The following GRIA3 variants were observed in gnomAD, a reference collection of about 807,000 sequenced individuals.
The protein encoded by GRIA3 is glutamate receptor 3.
A neutral mutation model predicts 63.0 loss-of-function variants in GRIA3; 3 were observed. The ratio of observed to expected loss-of-function variants is 0.05; its 90% confidence interval spans 0.02 to 0.12. The LOEUF (loss-of-function observed/expected upper bound fraction) is 0.12. Among genes scored for constraint, GRIA3 ranks in the 10% least tolerant of loss-of-function variants. GRIA3 has a pLI of 1.00. For synonymous variants in GRIA3, 274 were observed against 257.9 expected, an observed-to-expected ratio of 1.06 and a Z score of -0.60; for missense variants, 347 against 700.9, an observed-to-expected ratio of 0.50 and a Z score of 5.70.
At position 123,352,484 on chromosome X, in the gene GRIA3, A is replaced by C. The variant is rs936581597; in HGVS notation, c.697-2426A>C. On this transcript the variant is annotated intron_variant, in intron 4 of 15. Coordinates refer to ENST00000620443, the MANE Select transcript of GRIA3 (RefSeq NM_007325.5). ...AATGAAGGCTCAGTAATTTGCCCAC[A>C]AACAAACAATTAGTAAATGACAAGA... Among the ~76,000 whole-genome samples, 9 of 112,233 alleles carry C rather than the reference A, an allele frequency of 8.0e-5. No homozygotes were observed. In the Admixed American group the frequency reaches 8.5e-4, roughly 11 times the overall value.
At chrX:123,329,565 A>G (rs1160185362) in intron 4 of GRIA3, among the ~76,000 whole-genome samples, 2 of 112,065 alleles carry the variant, frequency 1.8e-5, no homozygotes, top group African/African-American at 6.5e-5. Context: ...TTAATAGTTA[A>G]TCTACCAGAG....
At chrX:123,282,447 G>T (rs1272447983) in intron 3 of GRIA3, among the ~76,000 whole-genome samples, 1 of 112,071 alleles carries the variant, frequency 8.9e-6, no homozygotes, top group Non-Finnish European at 1.9e-5. Flanking sequence ...GGAAACATTT[G>T]CTTCCTTCAC....
intron 4 of GRIA3, among the ~76,000 whole-genome samples, chrX:123,354,497 T>G (rs2045119811): frequency 9.1e-6 from 1 of 110,155 alleles, no homozygotes; most frequent in Non-Finnish European, 1.9e-5. Context: ...TCTATTCCCT[T>G]AGCATTCCAG....
chrX:123,330,649 A>G (rs2044935456), intron 4 of GRIA3, among the ~76,000 whole-genome samples: 1 of 111,862 alleles, frequency 8.9e-6, no homozygotes. Flanking sequence ...CACCTTCTCA[A>G]GTATAAAGAG....
At chrX:123,475,666 G>A (rs1258619244) in intron 13 of GRIA3, among the ~76,000 whole-genome samples, 1 of 112,107 alleles carries the variant, frequency 8.9e-6, no homozygotes, top group Non-Finnish European at 1.9e-5. Flanking sequence ...TTAGGTACCA[G>A]TTAAGGGCCT....
intron 5 of GRIA3, among the ~76,000 whole-genome samples, chrX:123,381,510 A>G (rs2045324178): frequency 8.9e-6 from 1 of 112,101 alleles, no homozygotes; most frequent in Non-Finnish European, 1.9e-5. Flanking sequence ...ATTATTATGG[A>G]AAGGAGTAAT....
At chrX:123,325,675 C>T (rs1338683147) in intron 3 of GRIA3, among the ~76,000 whole-genome samples, 1 of 111,836 alleles carries the variant, frequency 8.9e-6, no homozygotes, top group Non-Finnish European at 1.9e-5. Flanking sequence ...AATAAATGAG[C>T]TTCAACTGCA....
rs952140491 is a variant in GRIA3 at position 123,276,314 on chromosome X, A to G, written c.508+22772A>G. ...ACAACCTACTCCCTCCCTTGGGATTACTTTTTCCATCCTTTCCATAAACTC... is the reference window on the plus strand; with the variant it reads ...ACAACCTACTCCCTCCCTTGGGATTGCTTTTTCCATCCTTTCCATAAACTC... On this transcript the variant is annotated intron_variant, in intron 3 of 15. Coordinates refer to ENST00000620443, the MANE Select transcript of GRIA3 (RefSeq NM_007325.5). Among the ~76,000 whole-genome samples the G allele has an allele frequency of 3.6e-5, 4 of 111,863 alleles. No homozygotes were observed. In the South Asian group the frequency reaches 1.5e-3, roughly 42 times the overall value.
At chrX:123,303,931 G>GA (rs760971977) in intron 3 of GRIA3, among the ~76,000 whole-genome samples, 1 of 109,953 alleles carries the variant, frequency 9.1e-6, no homozygotes, top group Non-Finnish European at 1.9e-5. Context: ...GAGATTTTAG[G>GA]AAAAAAAAAA....
chrX:123,279,147 A>G (rs2044571348), intron 3 of GRIA3, among the ~76,000 whole-genome samples: 1 of 111,565 alleles, frequency 9.0e-6, no homozygotes, highest in Admixed American at 9.6e-5. Context: ...TCAGTCATAC[A>G]TGGAATCTAA....
chrX:123,462,301 C>T (rs981889018), intron 12 of GRIA3, among the ~76,000 whole-genome samples: 3 of 111,878 alleles, frequency 2.7e-5, no homozygotes, highest in African/African-American at 9.8e-5. Context: ...TCTCCTATAA[C>T]AGGTAGAATA....
intron 12 of GRIA3, among the ~76,000 whole-genome samples, chrX:123,457,421 A>C (rs376517851): frequency 8.9e-6 from 1 of 111,978 alleles, no homozygotes; most frequent in African/African-American, 3.2e-5. Flanking sequence ...CCCCTTTGAC[A>C]TGTATGTACA....
At chrX:123,288,745 C>T (rs1357586908) in intron 3 of GRIA3, among the ~76,000 whole-genome samples, 1 of 111,409 alleles carries the variant, frequency 9.0e-6, no homozygotes, top group Non-Finnish European at 1.9e-5. Flanking sequence ...GTTAAAATGG[C>T]GATCATTAAA....
rs183370537 is a variant in GRIA3, at chrX:123,230,978, T to A, written c.269-22325T>A. On this transcript the variant is annotated intron_variant, in intron 2 of 15. Coordinates refer to ENST00000620443, the MANE Select transcript of GRIA3 (RefSeq NM_007325.5). ...AAGATATCCATGTGAAAAAGCCTAC[T>A]CTTAAAGGTAAAAGCTAAACAAAGA... Among the ~76,000 whole-genome samples, 6 of 112,361 alleles carry A rather than the reference T, an allele frequency of 5.3e-5. No individual in the cohort carries two copies. The East Asian group carries it at 1.7e-3, about 32-fold the overall frequency.
rs58125026 is a variant in GRIA3 at position 123,368,780 on chromosome X, C to CAAA, written c.750+13832_750+13834dup. Among the ~76,000 whole-genome samples the CAAA allele has an allele frequency of 3.8e-3, 326 of 86,068 alleles. 2 individuals carry two copies. The highest frequency in any genetic ancestry group is 0.014 in the African/African-American group (318 of 23,527). The allele number at this position is 86,068 out of a possible 115,157, so 74.7% of individuals were successfully genotyped here. On this transcript the variant is annotated intron_variant, in intron 5 of 15. Coordinates refer to ENST00000620443, the MANE Select transcript of GRIA3 (RefSeq NM_007325.5). Reference sequence around the variant, plus strand: ...GCAAGTCCCACTGTAGATCATAATACAAAAAAAAAAAAAAAAATTGGCCAA... The same window carrying CAAA: ...GCAAGTCCCACTGTAGATCATAATACAAAAAAAAAAAAAAAAAAAATTGGCCAA...
At chrX:123,367,427 T>TTTTTTGC (rs1333047607) in intron 5 of GRIA3, among the ~76,000 whole-genome samples, 1 of 105,907 alleles carries the variant, frequency 9.4e-6, no homozygotes, top group Admixed American at 1.0e-4. Context: ...CTTTTTTTTG[T>TTTTTTGC]TTTTTGTTTT....
rs7056649 is a variant in GRIA3 at position 123,275,809 on chromosome X, C to T, written c.508+22267C>T. Among the ~76,000 whole-genome samples, 342 of 112,021 alleles carry T rather than the reference C, an allele frequency of 3.1e-3. 2 individuals are homozygous for T. The highest frequency in any genetic ancestry group is 0.011 in the African/African-American group (324 of 30,796). On this transcript the variant is annotated intron_variant, in intron 3 of 15. Transcript: ENST00000620443. ...CATATTAACACCTCCTCCATGAAGGCTTTCCCATTTTCCCAGTTGGAAGCA... is the reference window on the plus strand; with the variant it reads ...CATATTAACACCTCCTCCATGAAGGTTTTCCCATTTTCCCAGTTGGAAGCA...
intron 3 of GRIA3, among the ~76,000 whole-genome samples, chrX:123,256,685 G>C (rs6648499): frequency 0.021 from 2,337 of 112,005 alleles, 54 homozygotes; most frequent in African/African-American, 0.07. Flanking sequence ...GCCATGCTGA[G>C]GAGTATGAAT....
chrX:123,402,846 G>C lies in GRIA3; in HGVS notation c.1081-148G>C. 1.7e-5 allele frequency: 7 copies of C among 415,453 alleles called. No homozygotes were observed. In the South Asian group the frequency reaches 1.7e-4, roughly 10 times the overall value. 34.2% of individuals were successfully genotyped at this position (415,453 alleles called of 1,213,427 possible). On this transcript the variant is annotated intron_variant, in intron 7 of 15. Coordinates refer to ENST00000620443, the MANE Select transcript of GRIA3 (RefSeq NM_007325.5). ...ATACTGTGGAGGAAATGAAGATCTT[G>C]TATAGACTCGATCTGGTGGATAGAG...
Sources: gnomAD v4.1 joint callset for allele counts (sites outside exome capture counted in the v4.1 genomes callset) on GRCh38, gnomAD v4.1.1 for gene constraint, MANE v1.5 for transcripts, NCBI Gene and HGNC (gene_info 2026-07-23, HGNC 2026-07-21) for gene names.